CKAP2L: variants seen among roughly 807,000 people sequenced by gnomAD.
CKAP2L encodes cytoskeleton-associated protein 2-like.
CKAP2L carries 42 observed loss-of-function variants against 65.7 expected under a neutral mutation model. The ratio of observed to expected loss-of-function variants is 0.64; its 90% CI spans 0.50 to 0.83. The LOEUF (loss-of-function observed/expected upper bound fraction) is 0.83, where lower values mean the gene tolerates loss of function less well. Ranked by LOEUF, CKAP2L falls within the 40% of genes least tolerant of loss-of-function variation. The pLI, the probability that CKAP2L is intolerant of heterozygous loss-of-function variation, is 0.00. For missense variants in CKAP2L, 908 were observed against 871.0 expected (o/e 1.04, Z -0.53); for synonymous variants, 325 against 313.5 (o/e 1.04, Z -0.39).
At chr2:112,759,171 T>C (rs950359332) in intron 3 of CKAP2L, among the ~76,000 whole-genome samples, 3 of 152,248 alleles carry the variant, frequency 2.0e-5, no homozygotes, top group Non-Finnish European at 4.4e-5. Flanking sequence ...CTAGGAAGGA[T>C]GCCATATATC....
At position 112,738,782 on chromosome 2, in the gene CKAP2L, GT is replaced by G. The variant is rs1341612166; in HGVS notation, c.*40del. The G allele has an allele frequency of 1.5e-6, 2 of 1,325,870 alleles. No individual in the cohort carries two copies. Among genetic ancestry groups the G allele is most frequent in the Non-Finnish European group, 2.2e-6 (2 of 920,038 alleles). 82.1% of individuals were successfully genotyped at this position (1,325,870 alleles called of 1,614,324 possible). On this transcript the variant is annotated 3_prime_UTR_variant, in exon 9 of 9. Coordinates refer to ENST00000302450, the MANE Select transcript of CKAP2L (RefSeq NM_152515.5). ...TGGACAAGAATATTTCTTGTCTTAT[GT>G]TGGTTCTGAAACACCTTTTTTAAAA...
chr2:112,746,316 G>A, intron 6 of CKAP2L, 104 bp downstream of exon 6: 1 of 870,058 alleles, frequency 1.1e-6, no homozygotes, highest in Admixed American at 2.5e-5. Flanking sequence ...TATAAGTGTT[G>A]GATATTGATG....
intron 7 of CKAP2L, 32 bp from the exon 8 acceptor site, chr2:112,741,039 A>G: frequency 1.4e-6 from 2 of 1,423,406 alleles, no homozygotes; most frequent in Non-Finnish European, 2.0e-6. Context: ...GGAAAGTAAG[A>G]TTTACCAATT....
rs969244354 is a variant in CKAP2L, at chr2:112,761,714, T to C, written c.104+789A>G. Among the ~76,000 whole-genome samples the C allele has an allele frequency of 3.9e-5, 6 of 152,268 alleles. No individual in the cohort carries two copies. The South Asian group carries it at 1.2e-3, about 32-fold the overall frequency. ...GATTATGACTTGTTTGATGTTTGTC[T>C]CTCCCATCTACAGCATAAGCCCTGG... On this transcript the variant is annotated intron_variant, in intron 2 of 8. Coordinates refer to ENST00000302450, the MANE Select transcript of CKAP2L (RefSeq NM_152515.5).
chr2:112,753,526 CTTTTTTTTTTTT>C (rs59027525), intron 4 of CKAP2L, among the ~76,000 whole-genome samples: 3 of 100,396 alleles, frequency 3.0e-5, no homozygotes, highest in African/African-American at 7.3e-5. Flanking sequence ...AGTTTCTTTT[CTTTTTTTTTTTT>C]TTTTTTTTTG....
chr2:112,762,660 G>A, intron 1 of CKAP2L, 91 bp from the exon 2 acceptor site: 1 of 1,087,814 alleles, frequency 9.2e-7, no homozygotes, highest in Non-Finnish European at 1.4e-6. Flanking sequence ...CTTTTCTCTA[G>A]TGATTTTGCC....
At position 112,739,065 on chromosome 2, in the gene CKAP2L, G is replaced by A. The variant is rs778751727; in HGVS notation, c.2013-17C>T. 1.3e-6 allele frequency: 2 copies of A among 1,574,902 alleles called. No individual in the cohort carries two copies. The highest frequency in any genetic ancestry group is 8.7e-7 in the Non-Finnish European group (1 of 1,146,500). ...CCATTTATTCTGAGAGACAGCAAGA[G>A]ATGCATTAAAAACCTTATCATTTAA... On this transcript the variant is annotated splice_polypyrimidine_tract_variant and intron_variant, in intron 8 of 8. Transcript: ENST00000302450.
At chr2:112,742,880 TC>T in intron 6 of CKAP2L, 111 bp from the exon 7 acceptor site, 1 of 686,116 alleles carries the variant, frequency 1.5e-6, no homozygotes. Flanking sequence ...CCTTTTAAAA[TC>T]TCGTCTAACT....
At chr2:112,750,808 A>C (rs1680351822) in intron 5 of CKAP2L, among the ~76,000 whole-genome samples, 1 of 151,920 alleles carries the variant, frequency 6.6e-6, no homozygotes, top group Non-Finnish European at 1.5e-5. Context: ...AAAAAAAAGA[A>C]AGACTCACTT....
In CKAP2L at chr2:112,738,756, T is replaced by C. The variant is rs1057063796; in HGVS notation, c.*67A>G. On this transcript the variant is annotated 3_prime_UTR_variant, in exon 9 of 9. Transcript: ENST00000302450. ...ATGCCTCTCTTTTTTTCCAGGTCACTTGGACAAGAATATTTCTTGTCTTAT... is the reference window on the plus strand; with the variant it reads ...ATGCCTCTCTTTTTTTCCAGGTCACCTGGACAAGAATATTTCTTGTCTTAT... The C allele has an allele frequency of 1.1e-5, 12 of 1,101,552 alleles. No homozygotes were observed. The African/African-American group carries it at 1.9e-4, about 17-fold the overall frequency. The allele number at this position is 1,101,552 out of a possible 1,614,324, so 68.2% of individuals were successfully genotyped here.
chr2:112,746,720 G>C (rs1383157176), intron 5 of CKAP2L, 145 bp from the exon 6 acceptor site: 1 of 522,280 alleles, frequency 1.9e-6, no homozygotes, highest in African/African-American at 1.9e-5. Context: ...ATTTTACTGA[G>C]GTACAATGTA....
In CKAP2L at chr2:112,738,615, A is replaced by C. The variant is rs746135131; in HGVS notation, c.*208T>G. ...AAGTTTGAAATTTATGTATACTGTA[A>C]AACTGGCAAACTGGTCTTAAACACA... On this transcript the variant is annotated 3_prime_UTR_variant, in exon 9 of 9. Coordinates refer to ENST00000302450, the MANE Select transcript of CKAP2L (RefSeq NM_152515.5). 2 of 575,514 alleles carry C rather than the reference A, an allele frequency of 3.5e-6. No individual in the cohort carries two copies. Among genetic ancestry groups the C allele is most frequent in the Non-Finnish European group, 3.1e-6 (1 of 325,506 alleles). The allele number at this position is 575,514 out of a possible 1,614,324, so 35.7% of individuals were successfully genotyped here.
intron 4 of CKAP2L, among the ~76,000 whole-genome samples, chr2:112,754,366 C>T (rs1287299716): frequency 2.6e-5 from 4 of 152,132 alleles, no homozygotes; most frequent in African/African-American, 9.7e-5. Flanking sequence ...CAAATACTGC[C>T]CCCTCACCTT....
chr2:112,761,317 T>C (rs1680713145), intron 2 of CKAP2L, among the ~76,000 whole-genome samples: 1 of 151,836 alleles, frequency 6.6e-6, no homozygotes, highest in Non-Finnish European at 1.5e-5. Flanking sequence ...AAAAATTAGC[T>C]GGGCATGGTG....
intron 7 of CKAP2L, among the ~76,000 whole-genome samples, chr2:112,741,388 C>T (rs17042319): frequency 0.033 from 4,990 of 152,322 alleles, 276 homozygotes; most frequent in African/African-American, 0.11. Flanking sequence ...CTAAGGTTAA[C>T]TCACACAACC....
rs758688432 is a variant in CKAP2L, at chr2:112,746,400, C to T, written c.1758+20G>A. The stretch of plus-strand genomic sequence containing the variant: ...TGAAAGAGAATTTTAAGAAGTTACC[C>T]ACCCAAGACAGATACTCACTGTTGC... On this transcript the variant is annotated intron_variant, in intron 6 of 8. Transcript: ENST00000302450. The T allele has an allele frequency of 1.9e-6, 3 of 1,556,616 alleles. No individual in the cohort carries two copies. The East Asian group carries it at 6.8e-5, about 35-fold the overall frequency.
chr2:112,738,418 G>A lies in CKAP2L; in HGVS notation c.*405C>T, dbSNP rs779845465. On this transcript the variant is annotated 3_prime_UTR_variant, in exon 9 of 9. Coordinates refer to ENST00000302450, the MANE Select transcript of CKAP2L (RefSeq NM_152515.5). Reference sequence around the variant, plus strand: ...GGTCCATTCAGCCTGTCAAGCTAGCGTCAAAGTTCAGATCTTCCACGATGA... The same window carrying A: ...GGTCCATTCAGCCTGTCAAGCTAGCATCAAAGTTCAGATCTTCCACGATGA... 5 of 179,022 alleles carry A rather than the reference G, an allele frequency of 2.8e-5. No homozygotes were observed. Among genetic ancestry groups the A allele is most frequent in the South Asian group, 2.4e-4 (2 of 8,494 alleles). 11.1% of individuals were successfully genotyped at this position (179,022 alleles called of 1,614,324 possible).
chr2:112,751,388 G>A (rs921140940), intron 5 of CKAP2L, among the ~76,000 whole-genome samples: 1 of 152,168 alleles, frequency 6.6e-6, no homozygotes, highest in Non-Finnish European at 1.5e-5. Flanking sequence ...ATGAATGACT[G>A]GCAATGGTGG....
intron 8 of CKAP2L, among the ~76,000 whole-genome samples, 159 bp downstream of exon 8, chr2:112,740,659 T>C (rs192289519): frequency 4.6e-5 from 7 of 152,232 alleles, no homozygotes; most frequent in South Asian, 2.1e-4. Context: ...GGCGAGACCA[T>C]AGGACGGGGG....
Sources: allele counts gnomAD v4.1 joint callset (sites outside exome capture counted in the v4.1 genomes callset), GRCh38; gene constraint gnomAD v4.1.1; transcripts MANE v1.5; gene names NCBI Gene and HGNC (gene_info 2026-07-23, HGNC 2026-07-21).